Variants in SHOC1 observed in about 807,000 individuals in gnomAD.
The protein encoded by SHOC1 is shortage in chiasmata 1.
In SHOC1, 136 loss-of-function variants were observed where a neutral mutation model predicts 179.2. That is an observed-to-expected ratio of 0.76 (90% confidence interval 0.66 to 0.87). The LOEUF (loss-of-function observed/expected upper bound fraction) is 0.87, where lower values mean the gene tolerates loss of function less well. Among genes scored for constraint, SHOC1 ranks in the 40% least tolerant of loss-of-function variants. SHOC1 has a pLI of 0.00. For synonymous variants in SHOC1, 489 were observed against 586.6 expected (o/e 0.83, Z 2.41); for missense variants, 1,538 against 1,700.8 (o/e 0.90, Z 1.68).
chr9:111,775,210 G>A (rs1355835468), intron 5 of SHOC1, among the ~76,000 whole-genome samples: 1 of 151,986 alleles, frequency 6.6e-6, no homozygotes, highest in Non-Finnish European at 1.5e-5. Flanking sequence ...GGCCAAGCTG[G>A]TCTCAAACTC....
intron 4 of SHOC1, among the ~76,000 whole-genome samples, chr9:111,779,672 C>T (rs1004499264): frequency 5.3e-5 from 8 of 152,092 alleles, no homozygotes; most frequent in Non-Finnish European, 8.8e-5. Flanking sequence ...GAGATCGTCT[C>T]GCATCTTGTT....
chr9:111,700,186 G>GTTT, intron 23 of SHOC1, 139 bp from the exon 24 acceptor site: 1 of 448,228 alleles, frequency 2.2e-6, no homozygotes, highest in South Asian at 5.1e-5. Flanking sequence ...AATTTGTGGG[G>GTTT]TTTTTTTTTC....
At chr9:111,705,034 G>T (rs992254529) in intron 21 of SHOC1, among the ~76,000 whole-genome samples, 2 of 151,894 alleles carry the variant, frequency 1.3e-5, no homozygotes, top group East Asian at 1.9e-4. Flanking sequence ...AATTATGAGG[G>T]TGTAGTATAG....
intron 4 of SHOC1, among the ~76,000 whole-genome samples, 156 bp from the exon 5 acceptor site, chr9:111,776,131 G>C (rs1835823770): frequency 6.6e-6 from 1 of 151,884 alleles, no homozygotes; most frequent in Non-Finnish European, 1.5e-5. Flanking sequence ...AATATAAAAA[G>C]TATGTAAATT....
chr9:111,776,321 C>T (rs971657265), intron 4 of SHOC1, among the ~76,000 whole-genome samples: 2 of 152,262 alleles, frequency 1.3e-5, no homozygotes, highest in East Asian at 1.9e-4. Flanking sequence ...AACCAATTCT[C>T]TATTGTTGGA....
At chr9:111,788,659 A>C (rs1431677925) in intron 2 of SHOC1, among the ~76,000 whole-genome samples, 2 of 152,230 alleles carry the variant, frequency 1.3e-5, no homozygotes, top group Admixed American at 6.5e-5. Flanking sequence ...CATATCACTT[A>C]GCAATGTGCT....
intron 10 of SHOC1, 48 bp from the exon 11 acceptor site, chr9:111,741,618 T>C: frequency 1.0e-6 from 1 of 974,078 alleles, no homozygotes; most frequent in East Asian, 2.8e-5. Context: ...TTGAGTCTTT[T>C]GTATAATAAA....
At chr9:111,778,796 CAG>C (rs1235038720) in intron 4 of SHOC1, among the ~76,000 whole-genome samples, 4 of 129,814 alleles carry the variant, frequency 3.1e-5, no homozygotes, top group Admixed American at 8.0e-5. Flanking sequence ...AAAAAAGAGA[CAG>C]AGAGAGAGAG....
intron 4 of SHOC1, 72 bp downstream of exon 4, chr9:111,780,858 T>C: frequency 2.0e-6 from 2 of 1,015,470 alleles, no homozygotes; most frequent in Non-Finnish European, 3.0e-6. Context: ...TTTCCCTCTT[T>C]AGGTATCTGG....
At chr9:111,731,801 TA>T (rs869112803) in intron 12 of SHOC1, among the ~76,000 whole-genome samples, 1 of 150,548 alleles carries the variant, frequency 6.6e-6, no homozygotes, top group African/African-American at 2.5e-5. Context: ...GAGATTAAAA[TA>T]AAACATATCA....
At chr9:111,695,626 T>G (rs2131322575) in intron 24 of SHOC1, among the ~76,000 whole-genome samples, 1 of 152,320 alleles carries the variant, frequency 6.6e-6, no homozygotes, top group East Asian at 1.9e-4. Context: ...TGGAGTTATT[T>G]CTAAACAGAA....
At chr9:111,739,947 A>G (rs1436917533) in intron 11 of SHOC1, among the ~76,000 whole-genome samples, 1 of 152,160 alleles carries the variant, frequency 6.6e-6, no homozygotes, top group East Asian at 1.9e-4. Context: ...TTTTGTCTCT[A>G]TGTGTTTGGG....
At chr9:111,722,750 T>A (rs1833122291) in intron 14 of SHOC1, among the ~76,000 whole-genome samples, 165 bp from the exon 15 acceptor site, 1 of 152,164 alleles carries the variant, frequency 6.6e-6, no homozygotes, top group Non-Finnish European at 1.5e-5. Context: ...ATATTTATTC[T>A]AAATAAACTA....
At chr9:111,748,412 C>T (rs1834387188) in intron 8 of SHOC1, among the ~76,000 whole-genome samples, 1 of 152,134 alleles carries the variant, frequency 6.6e-6, no homozygotes, top group Non-Finnish European at 1.5e-5. Context: ...TGCCCTTCAA[C>T]TGTCAATCAG....
At chr9:111,751,633 C>T (rs1468528688) in intron 8 of SHOC1, among the ~76,000 whole-genome samples, 1 of 152,044 alleles carries the variant, frequency 6.6e-6, no homozygotes, top group Non-Finnish European at 1.5e-5. Context: ...CTAATTAAAG[C>T]TGAGATCTTG....
At position 111,758,212 on chromosome 9, in the gene SHOC1, T is replaced by C; in HGVS notation, c.597-17A>G. 1 of 1,369,152 alleles carries C rather than the reference T, an allele frequency of 7.3e-7. No homozygotes were observed. The highest frequency in any genetic ancestry group is 1.0e-6 in the Non-Finnish European group (1 of 988,228). The allele number at this position is 1,369,152 out of a possible 1,614,324, so 84.8% of individuals were successfully genotyped here. A position where few individuals can be genotyped will look rare whatever the true frequency, so the allele number is the denominator to read the frequency against. On this transcript the variant is annotated splice_polypyrimidine_tract_variant and intron_variant, in intron 6 of 27. Coordinates refer to ENST00000682961, the MANE Select transcript of SHOC1 (RefSeq NM_001378211.1). ...AAACATTCCCTTAAAAAAAAATACATTAATTAGTGTTTACTAAAAGCAAGT... is the reference window on the plus strand; with the variant it reads ...AAACATTCCCTTAAAAAAAAATACACTAATTAGTGTTTACTAAAAGCAAGT...
intron 11 of SHOC1, among the ~76,000 whole-genome samples, chr9:111,739,440 C>T (rs1833941455): frequency 6.6e-6 from 1 of 152,082 alleles, no homozygotes; most frequent in South Asian, 2.1e-4. Context: ...TTTTGTATCC[C>T]TCCTGCCTCT....
chr9:111,786,503 A>AT (rs34413616), intron 2 of SHOC1, among the ~76,000 whole-genome samples: 35,847 of 109,990 alleles, frequency 0.33, 6,301 homozygotes, highest in Middle Eastern at 0.37. Context: ...TGCTCTGCAG[A>AT]TTTTTTTTTT....
chr9:111,763,910 T>A (rs80169543), intron 5 of SHOC1, among the ~76,000 whole-genome samples: 1 of 152,018 alleles, frequency 6.6e-6, no homozygotes, highest in Non-Finnish European at 1.5e-5. Flanking sequence ...ACTAAATACA[T>A]AGAAAACAAA....
Sources: allele counts gnomAD v4.1 joint callset (sites outside exome capture counted in the v4.1 genomes callset), GRCh38; gene constraint gnomAD v4.1.1; transcripts MANE v1.5; gene names NCBI Gene and HGNC (gene_info 2026-07-23, HGNC 2026-07-21).